PCDH15: variants seen among roughly 807,000 people sequenced by gnomAD.
The protein encoded by PCDH15 is protocadherin-15.
PCDH15 carries 129 observed loss-of-function variants against 178.5 expected under a neutral mutation model. The observed-to-expected ratio is 0.72, with a 90% CI of 0.63 to 0.84. The LOEUF is 0.84. PCDH15 is among the 40% of genes least tolerant of loss of function. The pLI is 0.00. For missense variants in PCDH15, 2,230 were observed against 2,099.9 expected (o/e 1.06, Z -1.21); for synonymous variants, 800 against 732.0 (o/e 1.09, Z -1.50).
At chr10:54,778,400 G>A (rs1164960909) in intron 1 of PCDH15, among the ~76,000 whole-genome samples, 1 of 152,132 alleles carries the variant, frequency 6.6e-6, no homozygotes, top group African/African-American at 2.4e-5. Context: ...TCCCGGGGTG[G>A]AGGGGCGTTA....
chr10:54,568,437 G>T (rs1028339229), intron 2 of PCDH15: 1 of 152,018 alleles, frequency 6.6e-6, no homozygotes, highest in Non-Finnish European at 1.5e-5. Context: ...TTCAAAAAAT[G>T]GACTTTGTAG....
chr10:54,396,437 C>T (rs889997614), intron 3 of PCDH15, among the ~76,000 whole-genome samples: 1 of 152,098 alleles, frequency 6.6e-6, no homozygotes, highest in Non-Finnish European at 1.5e-5. Context: ...TTGTTAATCT[C>T]TCTTTTGGTC....
chr10:54,086,088 G>A lies in PCDH15; in HGVS notation c.1997+3896C>T, dbSNP rs139004245. Among the ~76,000 whole-genome samples the A allele has an allele frequency of 7.3e-3, 1,115 of 152,118 alleles. 10 individuals carry two copies. The highest frequency in any genetic ancestry group is 0.013 in the Non-Finnish European group (867 of 67,990). On this transcript the variant is annotated intron_variant, in intron 16 of 37. Coordinates refer to ENST00000644397, the MANE Select transcript of PCDH15 (RefSeq NM_001384140.1). ...TGCTATAAAGGAATACTTATGGCTG[G>A]GTAATTTATAAAGAAAATAAGTTTA... is the stretch of plus-strand genomic sequence containing the variant.
chr10:53,869,575 G>A (rs963883020), intron 26 of PCDH15, among the ~76,000 whole-genome samples: 1 of 152,076 alleles, frequency 6.6e-6, no homozygotes, highest in African/African-American at 2.4e-5. Context: ...TGCAAAAAGT[G>A]TACAAATTAT....
At chr10:55,411,721 T>C (rs1333999600) in intron 2 of PCDH15, among the ~76,000 whole-genome samples, 1 of 152,146 alleles carries the variant, frequency 6.6e-6, no homozygotes, top group Non-Finnish European at 1.5e-5. Context: ...GTAAGTCAGA[T>C]GTAACTGATG....
chr10:54,690,497 T>G (rs2095101310), intron 1 of PCDH15, among the ~76,000 whole-genome samples: 1 of 151,986 alleles, frequency 6.6e-6, no homozygotes, highest in African/African-American at 2.4e-5. Context: ...GTATTTTTAG[T>G]AGAGATGGGG....
At chr10:54,291,636 G>A (rs149928103) in intron 8 of PCDH15, among the ~76,000 whole-genome samples, 8 of 152,104 alleles carry the variant, frequency 5.3e-5, no homozygotes, top group African/African-American at 9.7e-5. Flanking sequence ...TGACAAAGTG[G>A]ATATCACCAC....
rs74334508 is a variant in PCDH15 at position 53,887,674 on chromosome 10, G to A, written c.3501+15569C>T. 2.6e-5 allele frequency among the ~76,000 whole-genome samples: 4 copies of A among 152,108 alleles called. No individual in the cohort carries two copies. In the East Asian group the frequency reaches 5.8e-4, roughly 22 times the overall value. On this transcript the variant is annotated intron_variant, in intron 26 of 37. Transcript: ENST00000644397. ...GAGGCCGAGGCGGGCGGATCACGAGGTCAGGAGATCCAGACCATCCTGACT... is the reference window on the plus strand; with the variant it reads ...GAGGCCGAGGCGGGCGGATCACGAGATCAGGAGATCCAGACCATCCTGACT...
intron 1 of PCDH15, among the ~76,000 whole-genome samples, chr10:55,206,951 A>C (rs1840419270): frequency 6.6e-6 from 1 of 152,066 alleles, no homozygotes; most frequent in African/African-American, 2.4e-5. Flanking sequence ...GACTTTTTTG[A>C]TAGAGTTAGT....
intron 2 of PCDH15, among the ~76,000 whole-genome samples, chr10:55,383,054 G>T (rs1000233472): frequency 2.0e-5 from 3 of 152,092 alleles, no homozygotes; most frequent in Non-Finnish European, 4.4e-5. Flanking sequence ...TTGGCCTCCA[G>T]GAATAATCAG....
chr10:55,198,654 ATT>A (rs570686890), intron 1 of PCDH15, among the ~76,000 whole-genome samples: 8 of 142,562 alleles, frequency 5.6e-5, no homozygotes, highest in Admixed American at 2.1e-4. Context: ...CGCCCAGCTA[ATT>A]TTTTTTTTTT....
intron 21 of PCDH15, among the ~76,000 whole-genome samples, chr10:53,962,901 G>A (rs2088516625): frequency 6.6e-6 from 1 of 152,088 alleles, no homozygotes; most frequent in South Asian, 2.1e-4. Context: ...CAGTGCTTAG[G>A]CCTTGTAAAT....
intron 2 of PCDH15, among the ~76,000 whole-genome samples, chr10:55,160,722 G>C (rs1433664127): frequency 3.3e-5 from 5 of 152,004 alleles, no homozygotes; most frequent in Non-Finnish European, 7.4e-5. Flanking sequence ...CTCCTGCTAA[G>C]TGACTATTTG....
chr10:54,755,064 T>G (rs968064252), intron 1 of PCDH15, among the ~76,000 whole-genome samples: 3 of 149,394 alleles, frequency 2.0e-5, no homozygotes, highest in Non-Finnish European at 4.4e-5. Context: ...TTCTCCTGCC[T>G]CAGCCTCCCA....
chr10:54,950,978 A>T (rs762157916), intron 2 of PCDH15, among the ~76,000 whole-genome samples: 3 of 151,742 alleles, frequency 2.0e-5, no homozygotes, highest in African/African-American at 7.3e-5. Context: ...ATATTTCCTC[A>T]CCTCCACCCC....
At position 55,194,539 on chromosome 10, in the gene PCDH15, A is replaced by G. The variant is rs576137875; in HGVS notation, c.-155-27888T>C. Among the ~76,000 whole-genome samples the G allele has an allele frequency of 3.9e-5, 6 of 152,146 alleles. No individual in the cohort carries two copies. In the East Asian group the frequency reaches 1.2e-3, roughly 29 times the overall value. On this transcript the variant is annotated intron_variant, in intron 1 of 5. Coordinates refer to the PCDH15 transcript ENST00000458638. The stretch of plus-strand genomic sequence containing the variant: ...TATGAACCCAGTTTGTCTTGCTCCA[A>G]AATCTGTGTTTTCAGTCATCACTGT...
chr10:54,361,696 A>G (rs181620275), intron 5 of PCDH15, among the ~76,000 whole-genome samples: 2 of 152,184 alleles, frequency 1.3e-5, no homozygotes, highest in East Asian at 3.9e-4. Context: ...CTTGAACATG[A>G]TTATTTTACT....
intron 2 of PCDH15, among the ~76,000 whole-genome samples, chr10:54,543,080 C>T (rs1034944251): frequency 3.3e-5 from 5 of 152,114 alleles, no homozygotes; most frequent in African/African-American, 1.2e-4. Flanking sequence ...GGAGTTTGGT[C>T]CGGGGAAGTT....
intron 1 of PCDH15, among the ~76,000 whole-genome samples, chr10:55,251,170 C>A (rs1841826408): frequency 6.6e-6 from 1 of 151,910 alleles, no homozygotes; most frequent in Non-Finnish European, 1.5e-5. Flanking sequence ...TAAATTTCCC[C>A]AGTTTTACTT....
Sources: gnomAD v4.1 joint callset for allele counts (sites outside exome capture counted in the v4.1 genomes callset) on GRCh38, gnomAD v4.1.1 for gene constraint, MANE v1.5 for transcripts, NCBI Gene and HGNC (gene_info 2026-07-23, HGNC 2026-07-21) for gene names.